Variants in AGTPBP1 observed in about 807,000 individuals in gnomAD.
The protein encoded by AGTPBP1 is ATP/GTP binding carboxypeptidase 1.
Under a neutral mutation model 143.9 loss-of-function variants are expected in AGTPBP1, and 70 were observed. The observed-to-expected ratio is 0.49, with a 90% CI of 0.40 to 0.59. The LOEUF (loss-of-function observed/expected upper bound fraction) is 0.59, where lower values mean the gene tolerates loss of function less well. AGTPBP1 is among the 20% of genes least tolerant of loss of function. The pLI is 0.00. For synonymous variants in AGTPBP1, 463 were observed against 500.2 expected, an observed-to-expected ratio of 0.93 and a Z score of 0.99; for missense variants, 1,229 against 1,464.5, an observed-to-expected ratio of 0.84 and a Z score of 2.62.
chr9:85,774,864 T>C, the AGTPBP1 span, among the ~76,000 whole-genome samples: 4 of 152,242 alleles, frequency 2.6e-5, no homozygotes, highest in East Asian at 1.9e-4. Flanking sequence ...AGTTGCCTAA[T>C]GACAATTTCC....
chr9:85,729,128 G>T (rs1482349355), intron 1 of AGTPBP1, among the ~76,000 whole-genome samples: 1 of 152,152 alleles, frequency 6.6e-6, no homozygotes, highest in African/African-American at 2.4e-5. Context: ...TTTTTGACAT[G>T]CATGTCAAGT....
rs78880161 is a variant in AGTPBP1 at position 85,600,806 on chromosome 9, A to T, written c.2336-4357T>A. ...GAGAACCCAGCCCCCACTCAACTGCATCCTGCCCCGAGGCCCAACAGCCTC... is the reference window on the plus strand; with the variant it reads ...GAGAACCCAGCCCCCACTCAACTGCTTCCTGCCCCGAGGCCCAACAGCCTC... On this transcript the variant is annotated intron_variant, in intron 17 of 25. Coordinates refer to ENST00000357081, the MANE Select transcript of AGTPBP1 (RefSeq NM_001330701.2). Among the ~76,000 whole-genome samples, 337 of 152,178 alleles carry T rather than the reference A, an allele frequency of 2.2e-3. 4 individuals are homozygous for T. In the East Asian group the frequency reaches 0.026, roughly 12 times the overall value.
At chr9:85,644,267 C>T (rs1337971435) in intron 12 of AGTPBP1, among the ~76,000 whole-genome samples, 2 of 151,618 alleles carry the variant, frequency 1.3e-5, no homozygotes, top group African/African-American at 4.8e-5. Context: ...TTAAATTATA[C>T]ATTTAGGAAC....
Position 85,586,980 on chromosome 9 carries a change from AAGAC to A in AGTPBP1, c.2904-24_2904-21del, listed in dbSNP as rs750586809. 8.7e-6 allele frequency: 14 copies of A among 1,612,908 alleles called. No individual in the cohort carries two copies. In the African/African-American group the frequency reaches 1.7e-4, roughly 20 times the overall value. On this transcript the variant is annotated intron_variant, in intron 21 of 25. Coordinates refer to ENST00000357081, the MANE Select transcript of AGTPBP1 (RefSeq NM_001330701.2). ...CGATGACTACATGTACATAAACACA[AAGAC>A]AGAAAAACACTGGTACCCATAAACC...
chr9:85,601,106 C>G (rs1829639663), intron 17 of AGTPBP1, among the ~76,000 whole-genome samples: 1 of 152,168 alleles, frequency 6.6e-6, no homozygotes, highest in African/African-American at 2.4e-5. Flanking sequence ...TCCCAGGTCC[C>G]CAGCTGTCGC....
chr9:85,653,187 T>C (rs2133915077), intron 11 of AGTPBP1, among the ~76,000 whole-genome samples: 1 of 143,256 alleles, frequency 7.0e-6, no homozygotes, highest in East Asian at 2.3e-4. Context: ...GGGGGATCTC[T>C]TGAACTCAGG....
chr9:85,568,870 T>C (rs1827276285), intron 25 of AGTPBP1, among the ~76,000 whole-genome samples: 1 of 152,154 alleles, frequency 6.6e-6, no homozygotes, highest in Admixed American at 6.5e-5. Context: ...AGGTTTGCTA[T>C]GGGAGCAGCA....
the AGTPBP1 span, among the ~76,000 whole-genome samples, chr9:85,793,812 G>T: frequency 6.6e-6 from 1 of 151,982 alleles, no homozygotes; most frequent in Non-Finnish European, 1.5e-5. Context: ...GTTCTTATAT[G>T]GGAAATAATC....
At chr9:85,801,986 T>C in the AGTPBP1 span, among the ~76,000 whole-genome samples, 1 of 152,170 alleles carries the variant, frequency 6.6e-6, no homozygotes, top group Admixed American at 6.5e-5. Context: ...TATGTGGATG[T>C]TCACTTCAAA....
At chr9:85,615,073 CTT>C (rs1830530254) in intron 17 of AGTPBP1, among the ~76,000 whole-genome samples, 1 of 152,108 alleles carries the variant, frequency 6.6e-6, no homozygotes, top group African/African-American at 2.4e-5. Flanking sequence ...CTTTAAAACT[CTT>C]TGGAGAACGA....
At chr9:85,577,477 G>A (rs1827969956) in intron 24 of AGTPBP1, among the ~76,000 whole-genome samples, 1 of 151,952 alleles carries the variant, frequency 6.6e-6, no homozygotes, top group Non-Finnish European at 1.5e-5. Flanking sequence ...ATCGGGGACA[G>A]GGGCTGGAAG....
the AGTPBP1 span, among the ~76,000 whole-genome samples, chr9:85,772,014 C>T: frequency 6.9e-6 from 1 of 145,788 alleles, no homozygotes; most frequent in Admixed American, 6.9e-5. Flanking sequence ...GAGATGGAGT[C>T]TCACTCTGTT....
intron 11 of AGTPBP1, among the ~76,000 whole-genome samples, chr9:85,651,574 G>A (rs187611322): frequency 2.6e-5 from 4 of 152,178 alleles, no homozygotes; most frequent in Admixed American, 6.5e-5. Context: ...CTTAGGTAAC[G>A]TCTACATTCT....
chr9:85,641,720 C>T (rs562744763), intron 13 of AGTPBP1, among the ~76,000 whole-genome samples: 4 of 150,882 alleles, frequency 2.7e-5, no homozygotes, highest in Admixed American at 6.6e-5. Context: ...TTTTTTTAGA[C>T]GAAGTCTCAT....
intron 10 of AGTPBP1, among the ~76,000 whole-genome samples, chr9:85,656,018 G>A (rs1158717355): frequency 5.3e-5 from 8 of 152,200 alleles, no homozygotes; most frequent in African/African-American, 1.7e-4. Flanking sequence ...TAGTAGAGAC[G>A]AGGTTTCACC....
chr9:85,784,529 T>A, the AGTPBP1 span, among the ~76,000 whole-genome samples: 1 of 152,204 alleles, frequency 6.6e-6, no homozygotes, highest in African/African-American at 2.4e-5. Flanking sequence ...CACCTCAGCC[T>A]CTCAAGTAGC....
upstream of AGTPBP1, among the ~76,000 whole-genome samples, chr9:85,745,876 A>G (rs952018107): frequency 3.3e-5 from 5 of 152,170 alleles, no homozygotes; most frequent in Non-Finnish European, 7.3e-5. Flanking sequence ...AGCAGCCCCA[A>G]ATCATTTTCT....
intron 21 of AGTPBP1, 141 bp downstream of exon 21, chr9:85,588,156 GT>G (rs1243047651): frequency 1.1e-5 from 7 of 650,608 alleles, no homozygotes; most frequent in Non-Finnish European, 1.7e-5. Context: ...TCATTTAAAA[GT>G]TTATCTTAAT....
the AGTPBP1 span, among the ~76,000 whole-genome samples, chr9:85,802,179 T>C: frequency 6.6e-6 from 1 of 152,282 alleles, no homozygotes; most frequent in South Asian, 2.1e-4. Context: ...GGTCATTGCA[T>C]ATAGTAACTA....
Sources: gnomAD v4.1 joint callset for allele counts (sites outside exome capture counted in the v4.1 genomes callset) on GRCh38, gnomAD v4.1.1 for gene constraint, MANE v1.5 for transcripts, NCBI Gene and HGNC (gene_info 2026-07-23, HGNC 2026-07-21) for gene names.